The following SREBF2 variants were observed in gnomAD, a reference collection of about 807,000 sequenced individuals.
SREBF2 encodes the protein sterol regulatory element binding transcription factor 2.
In SREBF2, 55 loss-of-function variants were observed where a neutral mutation model predicts 113.1. That is an observed-to-expected ratio of 0.49 (90% CI 0.39 to 0.61). The LOEUF (loss-of-function observed/expected upper bound fraction) is 0.61. Ranked by LOEUF, SREBF2 falls within the 20% of genes least tolerant of loss-of-function variation. The pLI is 0.00. For synonymous variants in SREBF2, 593 were observed against 605.7 expected, an observed-to-expected ratio of 0.98 and a Z score of 0.31; for missense variants, 1,349 against 1,487.4, an observed-to-expected ratio of 0.91 and a Z score of 1.53.
At chr22:41,899,064 C>T in intron 15 of SREBF2, 1 of 614,390 alleles carries the variant, frequency 1.6e-6, no homozygotes, top group Non-Finnish European at 2.5e-6. Flanking sequence ...GCGCCACAGG[C>T]TGAAAAGAAG....
intron 13 of SREBF2, among the ~76,000 whole-genome samples, chr22:41,896,649 G>C (rs745807222): frequency 1.3e-5 from 2 of 152,184 alleles, no homozygotes; most frequent in African/African-American, 4.8e-5. Context: ...GTGAGCCACC[G>C]TGCCCGGCCC....
intron 1 of SREBF2, among the ~76,000 whole-genome samples, chr22:41,848,357 G>A (rs1464977329): frequency 5.3e-5 from 8 of 152,056 alleles, no homozygotes; most frequent in Admixed American, 5.2e-4. Context: ...AAAGTGCTGG[G>A]ATTACAGGCG....
intron 1 of SREBF2, among the ~76,000 whole-genome samples, chr22:41,844,027 A>ACACAC (rs1569370657): frequency 2.2e-5 from 1 of 45,908 alleles, no homozygotes; most frequent in Admixed American, 2.7e-4. Context: ...AAAAAAAAAA[A>ACACAC]ATACATACAC....
At chr22:41,889,424 G>T (rs1197240596) in intron 11 of SREBF2, among the ~76,000 whole-genome samples, 2 of 152,126 alleles carry the variant, frequency 1.3e-5, no homozygotes. Context: ...ACCGCGCCTG[G>T]CCTCTGTTAA....
At chr22:41,857,060 C>CT (rs1479241398) in intron 1 of SREBF2, among the ~76,000 whole-genome samples, 5 of 127,922 alleles carry the variant, frequency 3.9e-5, no homozygotes, top group African/African-American at 6.2e-5. Flanking sequence ...GAGCAAGACT[C>CT]TGTCTCAAAA....
At chr22:41,902,283 G>A (rs961032906) in intron 16 of SREBF2, among the ~76,000 whole-genome samples, 23 of 152,352 alleles carry the variant, frequency 1.5e-4, no homozygotes, top group African/African-American at 5.0e-4. Flanking sequence ...CCCATAGGTC[G>A]TAGGCAGAGA....
chr22:41,837,556 TAAAAAAAAAAAA>T (rs764852977), intron 1 of SREBF2, among the ~76,000 whole-genome samples: 1 of 75,416 alleles, frequency 1.3e-5, no homozygotes, highest in Non-Finnish European at 2.8e-5. Context: ...AGACTCTGTC[TAAAAAAAAAAAA>T]AAAAAAAATG....
chr22:41,881,045 T>G, intron 10 of SREBF2, 53 bp downstream of exon 10: 2 of 1,588,254 alleles, frequency 1.3e-6, no homozygotes, highest in Admixed American at 3.4e-5. Context: ...TCATGCTACC[T>G]CTCCTCCTTA....
chr22:41,869,715 C>G (rs1397434214), intron 3 of SREBF2, among the ~76,000 whole-genome samples: 1 of 151,350 alleles, frequency 6.6e-6, no homozygotes, highest in East Asian at 2.0e-4. Flanking sequence ...GAACTCCTGG[C>G]CTCAAACAGT....
At chr22:41,835,065 G>A (rs1386038121) in intron 1 of SREBF2, among the ~76,000 whole-genome samples, 1 of 152,060 alleles carries the variant, frequency 6.6e-6, no homozygotes, top group African/African-American at 2.4e-5. Flanking sequence ...ACCTGCAAGG[G>A]CACAGAAAGA....
chr22:41,874,711 G>A (rs981287980), intron 5 of SREBF2, among the ~76,000 whole-genome samples: 3 of 152,096 alleles, frequency 2.0e-5, no homozygotes, highest in Non-Finnish European at 4.4e-5. Context: ...TTCAAGACCA[G>A]CCTGGCCAAC....
In SREBF2 at chr22:41,893,258, A is replaced by G. The variant is rs150763603; in HGVS notation, c.2350A>G (p.Ser784Gly). ...SWSVKSAAKE[S>G]LYCAQRNPAD... ...GTCTGTGAAGTCAGCTGCCAAGGAG[A>G]GTCTATACTGTGCCCAGAGGAACCC... The change falls in exon 12 of 19, where the codon AGT (serine) becomes GGT (glycine). Residue 784 changes from serine to glycine, a missense_variant. Physicochemically the swap from Ser to Gly is moderately conservative, Grantham distance 56. Around this residue, in one of 2 missense-constraint regions of SREBF2, gnomAD observed 650 missense variants for 644.1 expected, o/e 1.01. Transcript: ENST00000361204. The G allele has an allele frequency of 1.9e-6, 3 of 1,614,002 alleles. No individual in the cohort carries two copies. The highest frequency in any genetic ancestry group is 1.3e-5 in the African/African-American group (1 of 74,892).
intron 13 of SREBF2, 41 bp from the exon 14 acceptor site, chr22:41,897,011 A>T: frequency 7.0e-7 from 1 of 1,425,212 alleles, no homozygotes; most frequent in Non-Finnish European, 9.8e-7. Context: ...GGCCTTGTGT[A>T]TATGTTTTGA....
chr22:41,875,068 C>A (rs767338746), intron 5 of SREBF2, among the ~76,000 whole-genome samples: 1 of 152,200 alleles, frequency 6.6e-6, no homozygotes, highest in Non-Finnish European at 1.5e-5. Context: ...CAGGGCTAAG[C>A]CCTTTACACT....
At chr22:41,869,824 T>TA (rs1199972104) in intron 3 of SREBF2, among the ~76,000 whole-genome samples, 1 of 151,894 alleles carries the variant, frequency 6.6e-6, no homozygotes, top group Non-Finnish European at 1.5e-5. Flanking sequence ...AAAAACGTCT[T>TA]TATGTTATAT....
At chr22:41,900,543 G>T in intron 16 of SREBF2, 45 bp downstream of exon 16, 1 of 1,592,216 alleles carries the variant, frequency 6.3e-7, no homozygotes, top group Non-Finnish European at 8.6e-7. Context: ...GCTCTGCACT[G>T]GTTTACGAGA....
chr22:41,838,468 C>T (rs1465442242), intron 1 of SREBF2, among the ~76,000 whole-genome samples: 1 of 152,100 alleles, frequency 6.6e-6, no homozygotes, highest in African/African-American at 2.4e-5. Flanking sequence ...CTCAGTGGCT[C>T]ATGCCTGTAA....
chr22:41,866,817 T>C lies in SREBF2; in HGVS notation c.89-14T>C, dbSNP rs376206758. 9.3e-6 allele frequency: 15 copies of C among 1,614,052 alleles called. No homozygotes were observed. The highest frequency in any genetic ancestry group is 1.3e-5 in the Non-Finnish European group (15 of 1,180,002). ...TGGATAGCAATAAAATTACTCCTTT[T>C]CTTTTGTTCACAGAGATGCTGCAAT... is the stretch of plus-strand genomic sequence containing the variant. On this transcript the variant is annotated splice_polypyrimidine_tract_variant and intron_variant, in intron 1 of 18. Transcript: ENST00000361204.
chr22:41,894,945 C>A lies in SREBF2; in HGVS notation c.2495+8C>A. The stretch of plus-strand genomic sequence containing the variant: ...CCAGGAAGAAGAGAGCTGGTAAAGT[C>A]CCCAGACCAGTCCCCCTGCCTTAGG... On this transcript the variant is annotated splice_region_variant and intron_variant, in intron 13 of 18. Transcript: ENST00000361204. 1.2e-6 allele frequency: 2 copies of A among 1,610,646 alleles called. No individual in the cohort carries two copies. Among genetic ancestry groups the A allele is most frequent in the Non-Finnish European group, 1.7e-6 (2 of 1,177,158 alleles).
Sources: allele counts gnomAD v4.1 joint callset (sites outside exome capture counted in the v4.1 genomes callset), GRCh38; gene constraint gnomAD v4.1.1; regional missense constraint gnomAD v4.1.1; transcripts MANE v1.5; gene names NCBI Gene and HGNC (gene_info 2026-07-23, HGNC 2026-07-21).